USP32: variants seen among roughly 807,000 people sequenced by gnomAD.
USP32 encodes ubiquitin specific peptidase 32.
USP32 carries 59 observed loss-of-function variants against 204.8 expected under a neutral mutation model. The observed-to-expected ratio is 0.29, with a 90% CI of 0.23 to 0.36. USP32 has a LOEUF of 0.36. Among genes scored for constraint, USP32 ranks in the 10% least tolerant of loss-of-function variants. The pLI is 1.00. For missense variants in USP32, 1,160 were observed against 1,946.4 expected (o/e 0.60, Z 7.60); for synonymous variants, 517 against 678.4 (o/e 0.76, Z 3.70).
intron 5 of USP32, among the ~76,000 whole-genome samples, chr17:60,285,330 G>A (rs949102965): frequency 6.6e-6 from 1 of 152,172 alleles, no homozygotes; most frequent in African/African-American, 2.4e-5. Flanking sequence ...GCACTGAAAA[G>A]TAGTAGAATC....
intron 2 of USP32, among the ~76,000 whole-genome samples, chr17:60,339,541 C>A (rs2088606257): frequency 6.8e-6 from 1 of 147,340 alleles, no homozygotes. Flanking sequence ...TGAGATCATG[C>A]TGTTGCACTC....
chr17:60,367,406 G>T (rs2089339471), intron 1 of USP32, among the ~76,000 whole-genome samples: 1 of 152,186 alleles, frequency 6.6e-6, no homozygotes, highest in Non-Finnish European at 1.5e-5. Flanking sequence ...GCTACCAGAG[G>T]GCTGAGGTGG....
At chr17:60,386,635 C>G (rs1225544920) in intron 1 of USP32, among the ~76,000 whole-genome samples, 1 of 152,146 alleles carries the variant, frequency 6.6e-6, no homozygotes, top group Non-Finnish European at 1.5e-5. Flanking sequence ...TGGAAGGCAA[C>G]CCTGAGTGCT....
chr17:60,412,235 G>A (rs947558386), intron 1 of USP32, among the ~76,000 whole-genome samples: 20 of 152,228 alleles, frequency 1.3e-4, no homozygotes, highest in African/African-American at 4.8e-4. Context: ...CAGGTGTGGT[G>A]GCTCATGCCT....
In USP32 at chr17:60,219,802, G is replaced by C. The variant is rs1045485951; in HGVS notation, c.1750-15C>G. 8.2e-6 allele frequency: 13 copies of C among 1,591,182 alleles called. No homozygotes were observed. The Admixed American group carries it at 2.0e-4, about 25-fold the overall frequency. On this transcript the variant is annotated splice_polypyrimidine_tract_variant and intron_variant, in intron 15 of 33. Coordinates refer to ENST00000300896, the MANE Select transcript of USP32 (RefSeq NM_032582.4). ...TTCTTGATAACCTATTGTTTTAAAA[G>C]ATAAAAAGAGATCACTAAAAAAAGA... is the stretch of plus-strand genomic sequence containing the variant.
At chr17:60,194,326 G>C (rs2145421444) in intron 27 of USP32, among the ~76,000 whole-genome samples, 1 of 152,300 alleles carries the variant, frequency 6.6e-6, no homozygotes, top group Middle Eastern at 3.4e-3. Flanking sequence ...TTACAGGCGT[G>C]AGTCACCGCA....
At chr17:60,192,121 T>C (rs1332790917) in intron 28 of USP32, among the ~76,000 whole-genome samples, 3 of 151,858 alleles carry the variant, frequency 2.0e-5, no homozygotes, top group Non-Finnish European at 2.9e-5. Flanking sequence ...CAAAACCCCA[T>C]TTCTACTAAA....
At chr17:60,213,237 A>C (rs1375003257) in intron 18 of USP32, among the ~76,000 whole-genome samples, 5 of 152,188 alleles carry the variant, frequency 3.3e-5, no homozygotes, top group African/African-American at 4.8e-5. Context: ...CTATGCAAGA[A>C]AGTTGTTCTT....
In USP32 at chr17:60,350,200, C is replaced by T. The variant is rs549769235; in HGVS notation, c.59-4592G>A. On this transcript the variant is annotated intron_variant, in intron 1 of 33. Coordinates refer to ENST00000300896, the MANE Select transcript of USP32 (RefSeq NM_032582.4). The stretch of plus-strand genomic sequence containing the variant: ...GATAATTTTTTGAATTTTTAAATAG[C>T]GATGGGGTTTTGCCATGTTGCCCAG... Among the ~76,000 whole-genome samples the T allele has an allele frequency of 1.1e-4, 16 of 151,992 alleles. No homozygotes were observed. In the South Asian group the frequency reaches 2.1e-3, roughly 20 times the overall value.
At chr17:60,277,167 T>C (rs1234230879) in intron 5 of USP32, among the ~76,000 whole-genome samples, 1 of 152,140 alleles carries the variant, frequency 6.6e-6, no homozygotes, top group African/African-American at 2.4e-5. Flanking sequence ...GGTATAATTT[T>C]TTCTGGGTCA....
At chr17:60,181,818 C>T in intron 31 of USP32, 70 bp from the exon 32 acceptor site, 2 of 1,551,908 alleles carry the variant, frequency 1.3e-6, no homozygotes, top group African/African-American at 1.4e-5. Context: ...CAAATGCTAC[C>T]TCTGAGGTTA....
intron 2 of USP32, among the ~76,000 whole-genome samples, chr17:60,328,090 C>T (rs2088289616): frequency 6.6e-6 from 1 of 152,198 alleles, no homozygotes; most frequent in Non-Finnish European, 1.5e-5. Context: ...ACCTTCCGGG[C>T]CAGGGAGGGC....
intron 16 of USP32, among the ~76,000 whole-genome samples, chr17:60,217,238 A>C (rs1416662743): frequency 1.3e-5 from 2 of 152,130 alleles, no homozygotes. Context: ...TCAGCACAAG[A>C]GTTACAAAGA....
chr17:60,198,877 G>C (rs1202708459), intron 26 of USP32, among the ~76,000 whole-genome samples: 1 of 152,226 alleles, frequency 6.6e-6, no homozygotes, highest in African/African-American at 2.4e-5. Flanking sequence ...ACTTTGGAAG[G>C]CTGAGGCAAG....
chr17:60,381,868 G>A (rs905711081), intron 1 of USP32, among the ~76,000 whole-genome samples: 9 of 152,152 alleles, frequency 5.9e-5, no homozygotes, highest in African/African-American at 2.2e-4. Flanking sequence ...GCTCTCTCCT[G>A]TTCTCTCCCA....
chr17:60,361,472 G>A lies in USP32; in HGVS notation c.59-15864C>T, dbSNP rs116510075. On this transcript the variant is annotated intron_variant, in intron 1 of 33. Coordinates refer to ENST00000300896, the MANE Select transcript of USP32 (RefSeq NM_032582.4). ...ACTGTTCATATTTAGGCTGTTACCCGTCATGAAAAACCATATACATGCCTC... is the reference window on the plus strand; with the variant it reads ...ACTGTTCATATTTAGGCTGTTACCCATCATGAAAAACCATATACATGCCTC... 2.0e-3 allele frequency among the ~76,000 whole-genome samples: 306 copies of A among 152,096 alleles called. 2 individuals are homozygous for A. Among genetic ancestry groups the A allele is most frequent in the African/African-American group, 7.2e-3 (298 of 41,464 alleles).
chr17:60,368,194 C>T (rs1057345438), intron 1 of USP32, among the ~76,000 whole-genome samples: 12 of 152,166 alleles, frequency 7.9e-5, no homozygotes, highest in African/African-American at 2.9e-4. Flanking sequence ...ACAATTCCAA[C>T]CTTCCCGCAG....
intron 1 of USP32, chr17:60,421,626 C>T (rs1227813603): frequency 1.0e-6 from 1 of 973,866 alleles, no homozygotes; most frequent in Non-Finnish European, 1.2e-6. Context: ...CGGGACCCCG[C>T]CGTGTGCCGC....
chr17:60,356,108 A>G lies in USP32; in HGVS notation c.59-10500T>C, dbSNP rs1022975261. On this transcript the variant is annotated intron_variant, in intron 1 of 33. Transcript: ENST00000300896. ...ATCTGGTAGCTCATTAAAAAGTTCC[A>G]TTCTCAAGCTTTGTCTTTATTTGAT... Among the ~76,000 whole-genome samples, 7 of 152,224 alleles carry G rather than the reference A, an allele frequency of 4.6e-5. No individual in the cohort carries two copies. The East Asian group carries it at 1.4e-3, about 29-fold the overall frequency.
Sources: allele counts gnomAD v4.1 joint callset (sites outside exome capture counted in the v4.1 genomes callset), GRCh38; gene constraint gnomAD v4.1.1; transcripts MANE v1.5; gene names NCBI Gene and HGNC (gene_info 2026-07-23, HGNC 2026-07-21).